VPS36: variants seen among roughly 807,000 people sequenced by gnomAD.
VPS36 encodes vacuolar protein-sorting-associated protein 36.
In VPS36, 31 loss-of-function variants were observed where a neutral mutation model predicts 63.5. The observed-to-expected ratio is 0.49, with a 90% CI of 0.37 to 0.66. The LOEUF is 0.66. VPS36 is among the 30% of genes least tolerant of loss of function. The pLI, the probability that VPS36 is intolerant of heterozygous loss-of-function variation, is 0.00. For synonymous variants in VPS36, 138 were observed against 157.2 expected (o/e 0.88, Z 0.91); for missense variants, 338 against 463.7 (o/e 0.73, Z 2.49).
intron 6 of VPS36, among the ~76,000 whole-genome samples, chr13:52,429,863 G>A (rs1384846838): frequency 6.6e-6 from 1 of 152,130 alleles, no homozygotes; most frequent in Admixed American, 6.6e-5. Context: ...AAGCAACAAT[G>A]TAACCACAGA....
chr13:52,429,819 C>T (rs115950283), intron 6 of VPS36, among the ~76,000 whole-genome samples: 1 of 151,994 alleles, frequency 6.6e-6, no homozygotes, highest in East Asian at 1.9e-4. Context: ...ATACAAGTAG[C>T]AATGCCAGGA....
chr13:52,436,417 C>T lies in VPS36; in HGVS notation c.237-13G>A, dbSNP rs1412738627. 10 of 1,541,026 alleles carry T rather than the reference C, an allele frequency of 6.5e-6. No individual in the cohort carries two copies. The highest frequency in any genetic ancestry group is 2.3e-5 in the East Asian group (1 of 44,416). On this transcript the variant is annotated splice_polypyrimidine_tract_variant and intron_variant, in intron 3 of 13. Transcript: ENST00000378060. ...CACTATTTTGGCACTGAAGAAAGAA[C>T]AAATGTAATATATTGAATTGTCTTT...
At position 52,415,183 on chromosome 13, in the gene VPS36, C is replaced by CA. The variant is rs1294242018; in HGVS notation, c.*646dup. The CA allele has an allele frequency of 3.9e-5, 6 of 152,070 alleles. No homozygotes were observed. Among genetic ancestry groups the CA allele is most frequent in the Non-Finnish European group, 8.8e-5 (6 of 68,038 alleles). 9.4% of individuals were successfully genotyped at this position (152,070 alleles called of 1,614,324 possible). ...TCTATACAGCTCTCTAGTTCAGTTT[C>CA]AAAATCCACAGCATTTGGAAACAAA... On this transcript the variant is annotated 3_prime_UTR_variant, in exon 14 of 14. Transcript: ENST00000378060.
intron 2 of VPS36, 31 bp downstream of exon 2, chr13:52,442,346 C>A: frequency 6.3e-7 from 1 of 1,587,850 alleles, no homozygotes; most frequent in Non-Finnish European, 8.6e-7. Flanking sequence ...CAAAATAAAA[C>A]CTACAACAGA....
intron 3 of VPS36, 48 bp downstream of exon 3, chr13:52,439,050 A>G: frequency 1.3e-6 from 2 of 1,566,682 alleles, no homozygotes; most frequent in Non-Finnish European, 1.7e-6. Flanking sequence ...CAATAGCATA[A>G]CAGGAAATGT....
rs947239819 is a variant in VPS36 at position 52,413,802 on chromosome 13, C to G, written c.*2028G>C. On this transcript the variant is annotated 3_prime_UTR_variant, in exon 14 of 14. Coordinates refer to ENST00000378060, the MANE Select transcript of VPS36 (RefSeq NM_016075.4). ...CTACATTAGAGGGCCAAAATAACAC[C>G]TTATAATAATGGCCTGAAAAAAAAA... 1 of 151,850 alleles carries G rather than the reference C, an allele frequency of 6.6e-6. No individual in the cohort carries two copies. The highest frequency in any genetic ancestry group is 1.5e-5 in the Non-Finnish European group (1 of 67,894). 9.4% of individuals were successfully genotyped at this position (151,850 alleles called of 1,614,324 possible). A position where few individuals can be genotyped will look rare whatever the true frequency, so the allele number is the denominator to read the frequency against.
chr13:52,415,006 A>G lies in VPS36; in HGVS notation c.*824T>C, dbSNP rs998965397. 1.3e-5 allele frequency: 2 copies of G among 152,222 alleles called. No homozygotes were observed. Among genetic ancestry groups the G allele is most frequent in the African/African-American group, 4.8e-5 (2 of 41,456 alleles). 9.4% of individuals were successfully genotyped at this position (152,222 alleles called of 1,614,324 possible). ...CTTATGGAAAAGAAAAGGAGATATT[A>G]CTTTTCCACTTTCTATTTCCTGTCT... On this transcript the variant is annotated 3_prime_UTR_variant, in exon 14 of 14. Coordinates refer to ENST00000378060, the MANE Select transcript of VPS36 (RefSeq NM_016075.4).
intron 3 of VPS36, among the ~76,000 whole-genome samples, chr13:52,437,432 A>G (rs950326018): frequency 1.3e-5 from 2 of 152,176 alleles, no homozygotes; most frequent in Admixed American, 1.3e-4. Context: ...AAGATAACTA[A>G]GCAAAAGCAT....
intron 2 of VPS36, among the ~76,000 whole-genome samples, chr13:52,439,701 C>T (rs1035017408): frequency 6.6e-6 from 1 of 152,264 alleles, no homozygotes; most frequent in Non-Finnish European, 1.5e-5. Flanking sequence ...CTGGCTCGGC[C>T]TCCCAAAGTG....
chr13:52,434,859 T>G lies in VPS36; in HGVS notation c.375A>C (p.Glu125Asp), dbSNP rs1958197767. The G allele has an allele frequency of 6.2e-7, 1 of 1,614,068 alleles. No homozygotes were observed. The highest frequency in any genetic ancestry group is 8.5e-7 in the Non-Finnish European group (1 of 1,180,000). ...QIEFYRRLSE[E>D]MTQRRWENMP... ...TATTCTCCCATCTTCTTTGTGTCAT[T>G]TCCTCTGATAAACGCCTGTAAAACT... Residue 125 changes from glutamate to aspartate, a missense_variant, in exon 5 of 14, where the codon GAA (glutamate) becomes GAC (aspartate). By Grantham distance (45) the Glu-to-Asp change is conservative. Coordinates refer to ENST00000378060, the MANE Select transcript of VPS36 (RefSeq NM_016075.4).
intron 3 of VPS36, 107 bp from the exon 4 acceptor site, chr13:52,436,511 A>G (rs1338248570): frequency 2.6e-6 from 2 of 775,002 alleles, no homozygotes; most frequent in Admixed American, 2.7e-5. Flanking sequence ...AAATTCATGT[A>G]GAAACAAACA....
chr13:52,426,638 G>A (rs539914846), intron 8 of VPS36, among the ~76,000 whole-genome samples: 3 of 152,166 alleles, frequency 2.0e-5, no homozygotes, highest in East Asian at 3.9e-4. Flanking sequence ...GGCGGATCAC[G>A]AGGTCAGGAG....
At position 52,436,418 on chromosome 13, in the gene VPS36, A is replaced by G; in HGVS notation, c.237-14T>C. 6.5e-7 allele frequency: 1 copy of G among 1,538,182 alleles called. No individual in the cohort carries two copies. The highest frequency in any genetic ancestry group is 1.1e-5 in the South Asian group (1 of 87,054). On this transcript the variant is annotated splice_polypyrimidine_tract_variant and intron_variant, in intron 3 of 13. Transcript: ENST00000378060. ...ACTATTTTGGCACTGAAGAAAGAACAAATGTAATATATTGAATTGTCTTTC... is the reference window on the plus strand; with the variant it reads ...ACTATTTTGGCACTGAAGAAAGAACGAATGTAATATATTGAATTGTCTTTC...
chr13:52,450,559 C>T lies in VPS36; in HGVS notation c.36G>A (p.Glu12=). ...DRFVWTSGLL[E]INETLVIQQR... ...GCTGGATCACCAGGGTCTCGTTGAT[C>T]TCCAGGAGGCCGCTGGTCCAAACGA... Residue 12 remains glutamate, a synonymous_variant, in exon 1 of 14, where the codon GAG becomes GAA. Transcript: ENST00000378060. 1 of 1,594,300 alleles carries T rather than the reference C, an allele frequency of 6.3e-7. No homozygotes were observed. The highest frequency in any genetic ancestry group is 1.1e-5 in the South Asian group (1 of 88,946).
chr13:52,432,837 G>A (rs1456532592), intron 6 of VPS36, among the ~76,000 whole-genome samples: 2 of 152,162 alleles, frequency 1.3e-5, no homozygotes, highest in African/African-American at 2.4e-5. Flanking sequence ...TTCCCCAACA[G>A]TAATCTATAT....
At position 52,436,421 on chromosome 13, in the gene VPS36, T is replaced by C; in HGVS notation, c.237-17A>G. 1.3e-6 allele frequency: 2 copies of C among 1,514,938 alleles called. No homozygotes were observed. The highest frequency in any genetic ancestry group is 1.8e-6 in the Non-Finnish European group (2 of 1,097,848). 93.8% of individuals were successfully genotyped at this position (1,514,938 alleles called of 1,614,324 possible). A position where few individuals can be genotyped will look rare whatever the true frequency, so the allele number is the denominator to read the frequency against. On this transcript the variant is annotated splice_polypyrimidine_tract_variant and intron_variant, in intron 3 of 13. Coordinates refer to ENST00000378060, the MANE Select transcript of VPS36 (RefSeq NM_016075.4). ...ATTTTGGCACTGAAGAAAGAACAAA[T>C]GTAATATATTGAATTGTCTTTCAAA...
chr13:52,442,320 C>T, intron 2 of VPS36, 57 bp downstream of exon 2: 2 of 1,505,618 alleles, frequency 1.3e-6, no homozygotes, highest in South Asian at 2.5e-5. Context: ...GACCCTGTCT[C>T]TAAAAAATAA....
At chr13:52,431,750 A>G (rs1279981243) in intron 6 of VPS36, among the ~76,000 whole-genome samples, 2 of 148,780 alleles carry the variant, frequency 1.3e-5, no homozygotes, top group Admixed American at 1.3e-4. Flanking sequence ...GCGACAGAGT[A>G]AGACTCTGTC....
At chr13:52,448,748 G>A (rs192517387) in intron 1 of VPS36, among the ~76,000 whole-genome samples, 11 of 152,346 alleles carry the variant, frequency 7.2e-5, no homozygotes, top group Admixed American at 2.0e-4. Context: ...CAGCAAAGGT[G>A]TTCCTAGTCT....
Sources: gnomAD v4.1 joint callset for allele counts (sites outside exome capture counted in the v4.1 genomes callset) on GRCh38, gnomAD v4.1.1 for gene constraint, MANE v1.5 for transcripts, NCBI Gene and HGNC (gene_info 2026-07-23, HGNC 2026-07-21) for gene names.